IGSF21: variants seen among roughly 807,000 people sequenced by gnomAD.
IGSF21 encodes immunoglobulin superfamily member 21.
In IGSF21, 28 loss-of-function variants were observed where a neutral mutation model predicts 46.8. That is an observed-to-expected ratio of 0.60 (90% CI 0.44 to 0.82). IGSF21 has a LOEUF of 0.82. IGSF21 is among the 40% of genes least tolerant of loss of function. IGSF21 has a pLI of 0.00. For missense variants in IGSF21, 624 were observed against 665.5 expected (o/e 0.94, Z 0.69); for synonymous variants, 284 against 273.6 (o/e 1.04, Z -0.38).
rs2086280010 is a variant in IGSF21 at position 18,376,337 on chromosome 1, T to A, written c.1043T>A (p.Met348Lys). 6.2e-7 allele frequency: 1 copy of A among 1,614,054 alleles called. No homozygotes were observed. Among genetic ancestry groups the A allele is most frequent in the Non-Finnish European group, 8.5e-7 (1 of 1,179,954 alleles). The change falls in exon 7 of 10, where the codon ATG becomes AAG. Residue 348 changes from methionine (M) to lysine (K), a missense_variant. By Grantham distance (95) the Met-to-Lys change is moderately conservative. Transcript: ENST00000251296. ...LVAPKGPKIV[M>K]TPSRARVGDT... ...GCCCCCAAAGGACCCAAAATTGTGATGACGCCCAGCAGAGCCCGGGTAGGG... is the reference window on the plus strand; with the variant it reads ...GCCCCCAAAGGACCCAAAATTGTGAAGACGCCCAGCAGAGCCCGGGTAGGG...
intron 3 of IGSF21, among the ~76,000 whole-genome samples, chr1:18,313,119 C>G (rs1024008597): frequency 6.6e-6 from 1 of 152,154 alleles, no homozygotes; most frequent in East Asian, 1.9e-4. Flanking sequence ...CGCCGGGTAC[C>G]GTGCATGACC....
intron 1 of IGSF21, among the ~76,000 whole-genome samples, chr1:18,145,380 C>T (rs1048488629): frequency 1.3e-5 from 2 of 152,098 alleles, no homozygotes; most frequent in Admixed American, 6.5e-5. Context: ...CCCACAAAGG[C>T]ATTCAAAGTT....
chr1:18,372,560 T>TGATG (rs2086235592), intron 6 of IGSF21, among the ~76,000 whole-genome samples: 1 of 52,606 alleles, frequency 1.9e-5, no homozygotes, highest in South Asian at 6.4e-4. Context: ...ATGGATGTTT[T>TGATG]GATGGATGGA....
At chr1:18,225,205 T>G (rs553028688) in intron 1 of IGSF21, among the ~76,000 whole-genome samples, 1 of 151,652 alleles carries the variant, frequency 6.6e-6, no homozygotes, top group South Asian at 2.1e-4. Context: ...TGTCTTGTCT[T>G]AACCTGTCAG....
intron 1 of IGSF21, among the ~76,000 whole-genome samples, chr1:18,219,126 C>A (rs145322929): frequency 2.1e-4 from 32 of 152,282 alleles, no homozygotes; most frequent in East Asian, 5.8e-4. Context: ...AGACAATAAA[C>A]AAGTAAGTAT....
chr1:18,259,835 A>C (rs541438437), intron 2 of IGSF21, among the ~76,000 whole-genome samples: 5 of 152,154 alleles, frequency 3.3e-5, no homozygotes, highest in Admixed American at 2.0e-4. Flanking sequence ...GGGCTTGGGA[A>C]CCCAAGTGAA....
intron 3 of IGSF21, among the ~76,000 whole-genome samples, chr1:18,332,795 G>A (rs1209727946): frequency 1.3e-5 from 2 of 152,164 alleles, no homozygotes. Flanking sequence ...CTATGTAAAT[G>A]AAGGTGTTTG....
At chr1:18,194,841 C>G (rs1358050189) in intron 1 of IGSF21, among the ~76,000 whole-genome samples, 1 of 152,186 alleles carries the variant, frequency 6.6e-6, no homozygotes, top group Non-Finnish European at 1.5e-5. Flanking sequence ...ACACCCAAGA[C>G]TGGGTAATTT....
At chr1:18,373,627 C>T (rs1569900521) in intron 6 of IGSF21, among the ~76,000 whole-genome samples, 1 of 152,186 alleles carries the variant, frequency 6.6e-6, no homozygotes, top group Non-Finnish European at 1.5e-5. Context: ...GGATCAGATG[C>T]ACACAGGAGC....
At chr1:18,307,995 G>A (rs774947835) in intron 3 of IGSF21, among the ~76,000 whole-genome samples, 18 of 152,098 alleles carry the variant, frequency 1.2e-4, no homozygotes, top group African/African-American at 4.1e-4. Context: ...AAAGGTCATC[G>A]CATCATAGAT....
intron 1 of IGSF21, among the ~76,000 whole-genome samples, chr1:18,184,298 C>T (rs555340885): frequency 2.6e-5 from 4 of 152,218 alleles, no homozygotes; most frequent in South Asian, 2.1e-4. Flanking sequence ...TCTGGTTCCC[C>T]GCATCCTCCT....
At chr1:18,302,156 C>G (rs1276650432) in intron 3 of IGSF21, among the ~76,000 whole-genome samples, 1 of 46,152 alleles carries the variant, frequency 2.2e-5, no homozygotes, top group Non-Finnish European at 4.1e-5. Context: ...TCTGCCTTTT[C>G]AAAGCCCAAA....
At chr1:18,264,058 A>G (rs1235660058) in intron 2 of IGSF21, among the ~76,000 whole-genome samples, 1 of 152,238 alleles carries the variant, frequency 6.6e-6, no homozygotes, top group Non-Finnish European at 1.5e-5. Flanking sequence ...AAAATAAAAT[A>G]AAACCCCTTA....
At chr1:18,121,433 C>T (rs574366606) in intron 1 of IGSF21, among the ~76,000 whole-genome samples, 2 of 152,080 alleles carry the variant, frequency 1.3e-5, no homozygotes, top group South Asian at 4.2e-4. Flanking sequence ...CTTTGTCCAG[C>T]CCCTTTTCTC....
chr1:18,255,657 A>G (rs1209555900), intron 2 of IGSF21, among the ~76,000 whole-genome samples: 1 of 151,846 alleles, frequency 6.6e-6, no homozygotes, highest in Non-Finnish European at 1.5e-5. Context: ...TCCTCTCTGC[A>G]TCTTACACCT....
chr1:18,318,465 CGTGTGTGTGT>C (rs60257732), intron 3 of IGSF21, among the ~76,000 whole-genome samples: 1 of 148,704 alleles, frequency 6.7e-6, no homozygotes, highest in Non-Finnish European at 1.5e-5. Context: ...TGCGTGCGTG[CGTGTGTGTGT>C]GTGTGTGTGT....
intron 4 of IGSF21, among the ~76,000 whole-genome samples, chr1:18,338,224 C>T (rs1301494170): frequency 6.6e-6 from 1 of 152,134 alleles, no homozygotes; most frequent in South Asian, 2.1e-4. Context: ...AAATAGTAGT[C>T]GGGTCAGTTA....
At chr1:18,278,619 T>A (rs1361486083) in intron 2 of IGSF21, among the ~76,000 whole-genome samples, 1 of 151,888 alleles carries the variant, frequency 6.6e-6, no homozygotes, top group Non-Finnish European at 1.5e-5. Context: ...AGTGGCGAGA[T>A]CTTGGCTTAT....
chr1:18,153,303 G>A (rs770093881), intron 1 of IGSF21, among the ~76,000 whole-genome samples: 8 of 152,228 alleles, frequency 5.3e-5, no homozygotes, highest in Non-Finnish European at 8.8e-5. Context: ...CATCCCATTA[G>A]CATCCACACA....
Sources: gnomAD v4.1 joint callset for allele counts (sites outside exome capture counted in the v4.1 genomes callset) on GRCh38, gnomAD v4.1.1 for gene constraint, MANE v1.5 for transcripts, NCBI Gene and HGNC (gene_info 2026-07-23, HGNC 2026-07-21) for gene names.